The following ADD3 variants were observed in gnomAD, a reference collection of about 807,000 sequenced individuals.
ADD3 encodes the protein adducin 3.
In ADD3, 25 loss-of-function variants were observed where a neutral mutation model predicts 80.2. That is an observed-to-expected ratio of 0.31 (90% CI 0.23 to 0.44). The LOEUF (loss-of-function observed/expected upper bound fraction) is 0.44. Among genes scored for constraint, ADD3 ranks in the 20% least tolerant of loss-of-function variants. ADD3 has a pLI of 1.00. For missense variants in ADD3, 829 were observed against 847.5 expected, an observed-to-expected ratio of 0.98 and a Z score of 0.27; for synonymous variants, 284 against 289.6, an observed-to-expected ratio of 0.98 and a Z score of 0.20.
intron 1 of ADD3, among the ~76,000 whole-genome samples, chr10:110,090,724 G>A (rs1226259798): frequency 6.6e-6 from 1 of 152,098 alleles, no homozygotes; most frequent in Non-Finnish European, 1.5e-5. Flanking sequence ...GCCTCCAATT[G>A]ACACATATTT....
rs555304990 is a variant in ADD3, at chr10:110,096,922, G to C, written c.-29-3703G>C. On this transcript the variant is annotated intron_variant, in intron 1 of 14. Transcript: ENST00000356080. ...TCTAACAGGTAACTCAGGTGGAAAG[G>C]GCTCTACAAGTGGACCTGAATACAA... 2.0e-5 allele frequency among the ~76,000 whole-genome samples: 3 copies of C among 152,230 alleles called. No homozygotes were observed. In the East Asian group the frequency reaches 5.8e-4, roughly 29 times the overall value.
intron 2 of ADD3, among the ~76,000 whole-genome samples, chr10:110,103,890 C>G (rs892182968): frequency 6.6e-6 from 1 of 152,074 alleles, no homozygotes; most frequent in Non-Finnish European, 1.5e-5. Flanking sequence ...TTAAAGGAAC[C>G]GCAGTCTGTC....
upstream of ADD3, among the ~76,000 whole-genome samples, chr10:110,001,407 C>G (rs1223573560): frequency 9.0e-6 from 1 of 111,406 alleles, no homozygotes; most frequent in East Asian, 2.4e-4. Flanking sequence ...AGAGTAAGAC[C>G]CTGTCTCAAA....
At chr10:110,127,889 G>A (rs1852379756) in intron 12 of ADD3, among the ~76,000 whole-genome samples, 6 of 152,056 alleles carry the variant, frequency 3.9e-5, no homozygotes, top group Admixed American at 3.9e-4. Flanking sequence ...TACATAGGTG[G>A]TAACAGTCTG....
chr10:110,087,485 C>A (rs1004431284), intron 1 of ADD3, among the ~76,000 whole-genome samples: 32 of 152,210 alleles, frequency 2.1e-4, no homozygotes, highest in African/African-American at 7.7e-4. Flanking sequence ...CATTATGAAT[C>A]TTCAGTTTTA....
At chr10:110,075,516 CAG>C (rs1358818348) in intron 1 of ADD3, 2 of 152,166 alleles carry the variant, frequency 1.3e-5, no homozygotes, top group Non-Finnish European at 2.9e-5. Context: ...CAAAAGGAAA[CAG>C]ACTGATTCTT....
At position 110,044,172 on chromosome 10, in the gene ADD3, G is replaced by A. The variant is rs555744889; in HGVS notation, c.-30+35873G>A. Among the ~76,000 whole-genome samples the A allele has an allele frequency of 8.0e-4, 122 of 152,278 alleles. 1 individual carries two copies. Among genetic ancestry groups the A allele is most frequent in the African/African-American group, 2.8e-3 (117 of 41,572 alleles). On this transcript the variant is annotated intron_variant, in intron 1 of 14. Transcript: ENST00000356080. ...AGCCAAGATCATGCCCCTGAACTCC[G>A]TCCTGGGTGACAGAGCGAGACTCTG...
chr10:110,110,648 T>C (rs1240648441), intron 2 of ADD3, among the ~76,000 whole-genome samples: 1 of 152,042 alleles, frequency 6.6e-6, no homozygotes. Flanking sequence ...TACCACCTCA[T>C]ACCCTTAGAA....
intron 1 of ADD3, among the ~76,000 whole-genome samples, chr10:110,082,254 T>C (rs1420570855): frequency 1.3e-5 from 2 of 151,694 alleles, no homozygotes; most frequent in African/African-American, 2.4e-5. Flanking sequence ...AAACTTTGGC[T>C]GAGCTTCAGA....
chr10:110,116,643 A>G (rs1415187958), intron 4 of ADD3, among the ~76,000 whole-genome samples: 1 of 152,194 alleles, frequency 6.6e-6, no homozygotes, highest in African/African-American at 2.4e-5. Context: ...GTTCAGACCA[A>G]CTGTAGAATC....
At chr10:110,021,441 T>G (rs1057015961) in intron 1 of ADD3, among the ~76,000 whole-genome samples, 1 of 152,184 alleles carries the variant, frequency 6.6e-6, no homozygotes, top group African/African-American at 2.4e-5. Context: ...TTATTCATAA[T>G]AGCCCAAAAA....
chr10:110,126,067 AT>A, intron 11 of ADD3, 122 bp downstream of exon 11: 1 of 1,031,284 alleles, frequency 9.7e-7, no homozygotes, highest in East Asian at 2.5e-5. Flanking sequence ...TTGGAATTTA[AT>A]TCAGTATAAT....
intron 1 of ADD3, among the ~76,000 whole-genome samples, chr10:110,048,541 A>C (rs530800734): frequency 6.6e-6 from 1 of 152,292 alleles, no homozygotes; most frequent in East Asian, 1.9e-4. Context: ...ATTTAGGCTG[A>C]GGTGGTCTTA....
At chr10:110,027,814 G>A (rs1489468059) in intron 1 of ADD3, among the ~76,000 whole-genome samples, 1 of 152,126 alleles carries the variant, frequency 6.6e-6, no homozygotes, top group Non-Finnish European at 1.5e-5. Flanking sequence ...CCATTCCTGG[G>A]GCATGTTTTA....
At chr10:110,115,980 T>A (rs1850686762) in intron 3 of ADD3, among the ~76,000 whole-genome samples, 1 of 152,234 alleles carries the variant, frequency 6.6e-6, no homozygotes, top group Non-Finnish European at 1.5e-5. Context: ...GTGTAACCAT[T>A]TTTCCCCAGT....
intron 1 of ADD3, among the ~76,000 whole-genome samples, chr10:110,034,335 A>G (rs2133221861): frequency 6.6e-6 from 1 of 152,192 alleles, no homozygotes; most frequent in South Asian, 2.1e-4. Context: ...ATTGACATAT[A>G]TCTTGGGACA....
intron 1 of ADD3, among the ~76,000 whole-genome samples, chr10:110,026,122 A>G (rs1483274869): frequency 6.6e-6 from 1 of 152,174 alleles, no homozygotes; most frequent in Non-Finnish European, 1.5e-5. Context: ...AACATTATAT[A>G]GAAAATTCAG....
upstream of ADD3, among the ~76,000 whole-genome samples, chr10:110,007,702 C>A (rs1159060502): frequency 6.6e-6 from 1 of 152,138 alleles, no homozygotes; most frequent in African/African-American, 2.4e-5. Flanking sequence ...TGCGGCTTCA[C>A]GGACTTAGAG....
Position 110,049,536 on chromosome 10 carries a change from T to G in ADD3, c.-30+41237T>G, listed in dbSNP as rs563082092. On this transcript the variant is annotated intron_variant, in intron 1 of 14. Transcript: ENST00000356080. ...AGATCATAGGAACCCACCCCTTGCA[T>G]CAGCGTGACCTGGATGTGAGACATG... Among the ~76,000 whole-genome samples the G allele has an allele frequency of 8.5e-5, 13 of 152,302 alleles. No homozygotes were observed. In the South Asian group the frequency reaches 2.7e-3, roughly 32 times the overall value.
Sources: gnomAD v4.1 joint callset for allele counts (sites outside exome capture counted in the v4.1 genomes callset) on GRCh38, gnomAD v4.1.1 for gene constraint, MANE v1.5 for transcripts, NCBI Gene and HGNC (gene_info 2026-07-23, HGNC 2026-07-21) for gene names.